The following LYST variants were observed in gnomAD, a reference collection of about 807,000 sequenced individuals.
The protein encoded by LYST is lysosomal trafficking regulator.
Under a neutral mutation model 413.6 loss-of-function variants are expected in LYST, and 192 were observed. The observed-to-expected ratio is 0.46, with a 90% confidence interval of 0.41 to 0.52. The LOEUF (loss-of-function observed/expected upper bound fraction) is 0.52, where lower values mean the gene tolerates loss of function less well. Among genes scored for constraint, LYST ranks in the 20% least tolerant of loss-of-function variants. The pLI is 0.00. For synonymous variants in LYST, 1,525 were observed against 1,567.3 expected, an observed-to-expected ratio of 0.97 and a Z score of 0.64; for missense variants, 3,815 against 4,499.9, an observed-to-expected ratio of 0.85 and a Z score of 4.35.
At chr1:235,797,233 T>A (rs1307539056) in intron 10 of LYST, among the ~76,000 whole-genome samples, 2 of 152,164 alleles carry the variant, frequency 1.3e-5, no homozygotes, top group Non-Finnish European at 2.9e-5. Context: ...AACTGATGAA[T>A]GGATAAATCA....
chr1:235,691,697 C>CTTTTTTTTTTTTTTTTTTTTTTT (rs774558822), intron 47 of LYST, among the ~76,000 whole-genome samples: 2 of 138,204 alleles, frequency 1.4e-5, no homozygotes, highest in Non-Finnish European at 3.1e-5. Flanking sequence ...ATCAGATTCT[C>CTTTTTTTTTTTTTTTTTTTTTTT]TCTTTTTTTT....
chr1:235,843,053 G>C (rs1677395300), intron 1 of LYST, among the ~76,000 whole-genome samples: 1 of 151,966 alleles, frequency 6.6e-6, no homozygotes, highest in Non-Finnish European at 1.5e-5. Context: ...CTGTGTTCTA[G>C]ACAATGCTAC....
At chr1:235,676,608 T>G (rs1160440848) in intron 50 of LYST, among the ~76,000 whole-genome samples, 1 of 152,226 alleles carries the variant, frequency 6.6e-6, no homozygotes, top group Non-Finnish European at 1.5e-5. Context: ...CTACCTCCTC[T>G]GCTCGGCTCT....
At chr1:235,846,174 C>T (rs1439805199) in intron 1 of LYST, among the ~76,000 whole-genome samples, 2 of 152,124 alleles carry the variant, frequency 1.3e-5, no homozygotes, top group Non-Finnish European at 2.9e-5. Context: ...GCTGAGAGAC[C>T]CATAGATGGT....
At chr1:235,877,060 T>C (rs963480337) in intron 1 of LYST, among the ~76,000 whole-genome samples, 2 of 152,258 alleles carry the variant, frequency 1.3e-5, no homozygotes, top group African/African-American at 4.8e-5. Context: ...GATATTTCTA[T>C]GTCCAGTCCT....
At chr1:235,805,294 C>T (rs1672690088) in intron 6 of LYST, among the ~76,000 whole-genome samples, 1 of 152,130 alleles carries the variant, frequency 6.6e-6, no homozygotes. Flanking sequence ...GCCTGAAGTG[C>T]CCCACAATGA....
chr1:235,797,400 T>C (rs1671670654), intron 10 of LYST, among the ~76,000 whole-genome samples: 1 of 152,214 alleles, frequency 6.6e-6, no homozygotes, highest in South Asian at 2.1e-4. Flanking sequence ...GTTGACAATA[T>C]GTACCCTTGA....
At position 235,793,417 on chromosome 1, in the gene LYST, T is replaced by C. The variant is rs1461546575; in HGVS notation, c.4116+86A>G. 4 of 690,686 alleles carry C rather than the reference T, an allele frequency of 5.8e-6. No individual in the cohort carries two copies. In the East Asian group the frequency reaches 8.4e-5, roughly 15 times the overall value. The allele number at this position is 690,686 out of a possible 1,614,324, so 42.8% of individuals were successfully genotyped here. ...ATCAAAAGAAAGAGCTTAGTAACAT[T>C]TCTAAATAATTAAAAATACATTCTA... On this transcript the variant is annotated intron_variant, in intron 11 of 52. Coordinates refer to ENST00000389793, the MANE Select transcript of LYST (RefSeq NM_000081.4).
chr1:235,738,116 C>A, intron 31 of LYST: 19 of 1,608,098 alleles, frequency 1.2e-5, no homozygotes, highest in Non-Finnish European at 1.5e-5. Context: ...CCATCGGTAT[C>A]TTAATGAAGG....
intron 3 of LYST, among the ~76,000 whole-genome samples, chr1:235,820,239 C>T (rs1349368876): frequency 6.6e-6 from 1 of 152,202 alleles, no homozygotes; most frequent in Admixed American, 6.5e-5. Flanking sequence ...ACAAACCGGA[C>T]TGATGTCTAG....
rs1416408969 is a variant in LYST at position 235,777,276 on chromosome 1, A to G, written c.5247T>C (p.Cys1749=). 1.9e-6 allele frequency: 3 copies of G among 1,612,412 alleles called. No individual in the cohort carries two copies. In the Admixed American group the frequency reaches 5.0e-5, roughly 27 times the overall value. ...GTTCATAGATGGTATACTGAGCAGG[A>G]CAGTAAGTTGTATAAACAACTGAAA... ...ESLSVVYTTY[C]PAQYTIYEPV... is the part of the protein sequence containing the mutation. Residue 1749 remains cysteine (C), a synonymous_variant, in exon 17 of 53, where the codon TGT becomes TGC. Coordinates refer to ENST00000389793, the MANE Select transcript of LYST (RefSeq NM_000081.4).
rs761189650 is a variant in LYST, at chr1:235,702,749, G to T, written c.10372C>A (p.Pro3458Thr). Residue 3458 changes from proline to threonine, a missense_variant and splice_region_variant, in exon 45 of 53, where the codon CCG becomes ACG. Physicochemically the swap from Pro to Thr is conservative, Grantham distance 38. This residue lies in a region of LYST where 866 missense variants were observed against 1,156.0 expected (regional missense o/e 0.75). Coordinates refer to ENST00000389793, the MANE Select transcript of LYST (RefSeq NM_000081.4). ...TREQVKEITY[P>T]SPLSWIKGLK... ...CGATTGAAATCCAAATGACATACCG[G>T]ATAGGTGATTTCTTTGACCTGTTCT... The T allele has an allele frequency of 1.9e-6, 3 of 1,613,076 alleles. No individual in the cohort carries two copies. The highest frequency in any genetic ancestry group is 2.7e-5 in the African/African-American group (2 of 74,860).
At chr1:235,665,045 C>T (rs181893285) in intron 50 of LYST, among the ~76,000 whole-genome samples, 33 of 152,186 alleles carry the variant, frequency 2.2e-4, no homozygotes, top group African/African-American at 5.5e-4. Context: ...CAGCCCACCT[C>T]GGCCTCCCAA....
At chr1:235,820,870 T>C (rs1232383157) in intron 3 of LYST, among the ~76,000 whole-genome samples, 1 of 152,224 alleles carries the variant, frequency 6.6e-6, no homozygotes, top group Non-Finnish European at 1.5e-5. Flanking sequence ...AATAGGATCT[T>C]TCTCTTTCCT....
intron 14 of LYST, among the ~76,000 whole-genome samples, chr1:235,783,478 C>T (rs879564535): frequency 2.6e-5 from 4 of 152,060 alleles, no homozygotes; most frequent in Non-Finnish European, 2.9e-5. Flanking sequence ...CGGGGCCTGT[C>T]GGCGGGTGTT....
At chr1:235,793,053 TA>T (rs1671187148) in intron 11 of LYST, among the ~76,000 whole-genome samples, 1 of 152,174 alleles carries the variant, frequency 6.6e-6, no homozygotes, top group Non-Finnish European at 1.5e-5. Context: ...AAGGTTTCAT[TA>T]TAAAAATGGG....
intron 31 of LYST, chr1:235,737,916 A>ATGGTGATT: frequency 8.6e-7 from 1 of 1,163,406 alleles, no homozygotes; most frequent in Non-Finnish European, 1.1e-6. Context: ...GCTGCCGACG[A>ATGGTGATT]GTCTGGATCT....
At chr1:235,787,176 G>A in intron 14 of LYST, 24 bp downstream of exon 14, 1 of 1,572,254 alleles carries the variant, frequency 6.4e-7, no homozygotes. Flanking sequence ...AGATTGAGAT[G>A]CATTTTCTCA....
At chr1:235,675,560 T>C (rs1333120435) in intron 50 of LYST, among the ~76,000 whole-genome samples, 1 of 152,184 alleles carries the variant, frequency 6.6e-6, no homozygotes. Context: ...ACCAAGCACT[T>C]GTTTCTAACA....
Sources: gnomAD v4.1 joint callset for allele counts (sites outside exome capture counted in the v4.1 genomes callset) on GRCh38, gnomAD v4.1.1 for gene constraint, gnomAD v4.1.1 regional missense constraint, MANE v1.5 for transcripts, NCBI Gene and HGNC (gene_info 2026-07-23, HGNC 2026-07-21) for gene names.